Variants in KLHL6 observed in about 807,000 individuals in gnomAD.
KLHL6 encodes the protein kelch-like protein 6.
Under a neutral mutation model 58.6 loss-of-function variants are expected in KLHL6, and 41 were observed. The ratio of observed to expected loss-of-function variants is 0.70; its 90% CI spans 0.55 to 0.91. KLHL6 has a LOEUF of 0.91. Ranked by LOEUF, KLHL6 falls within the 40% of genes least tolerant of loss-of-function variation. The pLI, the probability that KLHL6 is intolerant of heterozygous loss-of-function variation, is 0.00. For synonymous variants in KLHL6, 338 were observed against 322.7 expected, an observed-to-expected ratio of 1.05 and a Z score of -0.51; for missense variants, 714 against 805.6, an observed-to-expected ratio of 0.89 and a Z score of 1.38.
In KLHL6 at chr3:183,490,018, T is replaced by A. The variant is rs1717500871; in HGVS notation, c.*1909A>T. The A allele has an allele frequency of 3.3e-5, 5 of 152,234 alleles. No homozygotes were observed. The highest frequency in any genetic ancestry group is 3.3e-4 in the Admixed American group (5 of 15,292). The allele number at this position is 152,234 out of a possible 1,614,324, so 9.4% of individuals were successfully genotyped here. ...AATAAAGTCCATTGGGTAACGCAGT[T>A]ACTATGTTGTTATCATTGTTGCTTT... is the stretch of plus-strand genomic sequence containing the variant. On this transcript the variant is annotated 3_prime_UTR_variant, in exon 7 of 7. Transcript: ENST00000341319.
chr3:183,499,658 A>G lies in KLHL6; in HGVS notation c.1079T>C (p.Leu360Pro). ...CACCCACTTCTTATTCTCACTCTCC[A>G]GCTCATGCTCTGTTAGCGGGAGCTT... ...VAKLPLTEHELESENKKWVEF... is the reference protein window; with the variant it reads ...VAKLPLTEHEPESENKKWVEF... Residue 360 changes from leucine to proline, a missense_variant, in exon 4 of 7, where the codon CTG (leucine) becomes CCG (proline). Physicochemically the swap from Leu to Pro is moderately conservative, Grantham distance 98 (BLOSUM62 -3). Transcript: ENST00000341319. This position sits in a 1 kb window ranked among gnomAD's most constrained non-coding sequence, Gnocchi z 4.6. The G allele has an allele frequency of 6.2e-7, 1 of 1,611,194 alleles. No individual in the cohort carries two copies. The highest frequency in any genetic ancestry group is 8.5e-7 in the Non-Finnish European group (1 of 1,178,874).
At chr3:183,533,727 T>C (rs1712233707) in intron 1 of KLHL6, among the ~76,000 whole-genome samples, 1 of 152,104 alleles carries the variant, frequency 6.6e-6, no homozygotes, top group African/African-American at 2.4e-5. Context: ...GCTGACTTTT[T>C]GGACCTTTTG....
chr3:183,502,670 C>G (rs1430930593), intron 3 of KLHL6, among the ~76,000 whole-genome samples: 1 of 152,182 alleles, frequency 6.6e-6, no homozygotes, highest in Non-Finnish European at 1.5e-5. Context: ...TGCCTGCCAA[C>G]AGTACAGTAA....
At chr3:183,554,609 TA>T (rs1346639858) in intron 1 of KLHL6, among the ~76,000 whole-genome samples, 4 of 152,152 alleles carry the variant, frequency 2.6e-5, no homozygotes, top group African/African-American at 4.8e-5. Context: ...TGCCTACACA[TA>T]AAGAAGCCCC....
intron 2 of KLHL6, among the ~76,000 whole-genome samples, chr3:183,525,187 C>G (rs1222959633): frequency 1.3e-5 from 2 of 151,606 alleles, no homozygotes; most frequent in African/African-American, 2.4e-5. Context: ...TCACTTGAAC[C>G]CGGGAGGCGG....
At chr3:183,550,710 T>C (rs1712882641) in intron 1 of KLHL6, among the ~76,000 whole-genome samples, 1 of 151,952 alleles carries the variant, frequency 6.6e-6, no homozygotes, top group Admixed American at 6.6e-5. Context: ...GTGGAAGAAT[T>C]GCTTGAGCCC....
At chr3:183,531,661 T>G (rs1712169697) in intron 1 of KLHL6, among the ~76,000 whole-genome samples, 1 of 152,012 alleles carries the variant, frequency 6.6e-6, no homozygotes, top group Non-Finnish European at 1.5e-5. Flanking sequence ...TTAGCCAGGA[T>G]GGTCTCAATC....
rs756224492 is a variant in KLHL6, at chr3:183,494,197, C to T, written c.1232G>A (p.Arg411His). The change falls in exon 5 of 7, where the codon CGC becomes CAC. Residue 411 changes from arginine to histidine, a missense_variant. Coordinates refer to ENST00000341319, the MANE Select transcript of KLHL6 (RefSeq NM_130446.4). ...WIQIEYLNIG[R>H]WRHKMVVLGG... ...CAACACCACCATCTTATGCCTCCAG[C>T]GGCCTATGTTTAAATACTCAATCTG... 3.7e-6 allele frequency: 6 copies of T among 1,613,820 alleles called. No homozygotes were observed. Among genetic ancestry groups the T allele is most frequent in the East Asian group, 2.2e-5 (1 of 44,882 alleles).
intron 2 of KLHL6, among the ~76,000 whole-genome samples, chr3:183,512,879 C>CA (rs1206631863): frequency 6.6e-6 from 1 of 151,916 alleles, no homozygotes; most frequent in East Asian, 1.9e-4. Context: ...CTGTAATTCC[C>CA]ATCCAATTTC....
chr3:183,530,830 A>ATTT (rs35902105), intron 1 of KLHL6, among the ~76,000 whole-genome samples: 1 of 123,964 alleles, frequency 8.1e-6, no homozygotes, highest in African/African-American at 2.9e-5. Flanking sequence ...GTGAACATGC[A>ATTT]TTTTTTTTTT....
At chr3:183,493,401 T>G (rs926308109) in intron 5 of KLHL6, 12 of 154,446 alleles carry the variant, frequency 7.8e-5, no homozygotes, top group African/African-American at 2.9e-4. Context: ...CAGTCTTGGC[T>G]AGATGTGGTG....
At chr3:183,521,048 C>A (rs553317765) in intron 2 of KLHL6, 8 of 152,366 alleles carry the variant, frequency 5.3e-5, no homozygotes, top group Admixed American at 4.6e-4. Flanking sequence ...GTCCCTGTGA[C>A]CTTCCGCAGT....
At chr3:183,496,550 CA>C (rs1037582181) in intron 4 of KLHL6, among the ~76,000 whole-genome samples, 135 of 151,674 alleles carry the variant, frequency 8.9e-4, no homozygotes, top group African/African-American at 2.9e-3. Flanking sequence ...TTAAGGAGAC[CA>C]AAAAAAGAAA....
chr3:183,524,626 AGTGATAGAG>A (rs1711889099), intron 2 of KLHL6, among the ~76,000 whole-genome samples: 1 of 152,304 alleles, frequency 6.6e-6, no homozygotes, highest in South Asian at 2.1e-4. Flanking sequence ...CTTCCCAAAC[AGTGATAGAG>A]CTGATTGGCT....
At chr3:183,494,714 T>C (rs1373976374) in intron 4 of KLHL6, among the ~76,000 whole-genome samples, 5 of 152,238 alleles carry the variant, frequency 3.3e-5, no homozygotes, top group Non-Finnish European at 4.4e-5. Context: ...GCTTAAATTC[T>C]ATGTTTACTT....
chr3:183,548,777 G>A (rs1343813104), intron 1 of KLHL6: 1 of 152,018 alleles, frequency 6.6e-6, no homozygotes, highest in Non-Finnish European at 1.5e-5. Flanking sequence ...GATAGAATAA[G>A]TGCCAAGAAC....
At chr3:183,543,715 T>C (rs1177639266) in intron 1 of KLHL6, among the ~76,000 whole-genome samples, 3 of 152,206 alleles carry the variant, frequency 2.0e-5, no homozygotes, top group Admixed American at 6.5e-5. Context: ...ACAAGACACA[T>C]GATCTTTTCA....
Position 183,499,762 on chromosome 3 carries a change from G to T in KLHL6, c.975C>A (p.Gly325=), listed in dbSNP as rs747318454. ...EFQSEVFMII[G]GCTKDERFVA... ...CAAACCGTTCATCCTTCGTGCAGCC[G>T]CCAATGATCATGAACACCTCAGACT... Residue 325 remains glycine (G), a synonymous_variant, in exon 4 of 7, where the codon GGC becomes GGA. Transcript: ENST00000341319. This position sits in a 1 kb window ranked among gnomAD's most constrained non-coding sequence, Gnocchi z 4.6. The T allele has an allele frequency of 6.2e-7, 1 of 1,608,892 alleles. No individual in the cohort carries two copies. The highest frequency in any genetic ancestry group is 8.5e-7 in the Non-Finnish European group (1 of 1,177,882).
chr3:183,510,982 T>A (rs1449589997), intron 2 of KLHL6, among the ~76,000 whole-genome samples: 2 of 152,116 alleles, frequency 1.3e-5, no homozygotes, highest in Non-Finnish European at 2.9e-5. Flanking sequence ...GACGAGAGAC[T>A]GAGAAAAGAA....
Sources: gnomAD v4.1 joint callset for allele counts (sites outside exome capture counted in the v4.1 genomes callset) on GRCh38, gnomAD v4.1.1 for gene constraint, Gnocchi (gnomAD v3.1) non-coding constraint, MANE v1.5 for transcripts, NCBI Gene and HGNC (gene_info 2026-07-23, HGNC 2026-07-21) for gene names.